GPHB5: variants seen among roughly 807,000 people sequenced by gnomAD.
The protein encoded by GPHB5 is glycoprotein hormone beta-5.
A neutral mutation model predicts 10.1 loss-of-function variants in GPHB5; 7 were observed. The observed-to-expected ratio is 0.69, with a 90% CI of 0.39 to 1.30. GPHB5 has a LOEUF of 1.30. Among genes scored for constraint, GPHB5 ranks in the 50% most tolerant of loss-of-function variants. The pLI is 0.01. For missense variants in GPHB5, 161 were observed against 169.8 expected, an observed-to-expected ratio of 0.95 and a Z score of 0.29; for synonymous variants, 68 against 70.1, an observed-to-expected ratio of 0.97 and a Z score of 0.15.
rs1882736498 is a variant in GPHB5 at position 63,314,632 on chromosome 14, T to G, written c.205-1516A>C. Among the ~76,000 whole-genome samples, 7 of 152,202 alleles carry G rather than the reference T, an allele frequency of 4.6e-5. No individual in the cohort carries two copies. The South Asian group carries it at 1.5e-3, about 32-fold the overall frequency. ...TTTCACCATGTTAGCCAGGATGGTC[T>G]CGATTTCCTGACCTCGTGATCTGCC... On this transcript the variant is annotated intron_variant, in intron 2 of 2. Coordinates refer to ENST00000621500, the MANE Select transcript of GPHB5 (RefSeq NM_145171.4).
chr14:63,317,898 C>T lies in GPHB5; in HGVS notation c.-1-48G>A. 3.2e-6 allele frequency: 5 copies of T among 1,553,086 alleles called. No homozygotes were observed. The South Asian group carries it at 4.6e-5, about 14-fold the overall frequency. ...GACAGAGTTTAACAGATCTGGCTGC[C>T]TTCAATGGCACAGCCAACCATGCAT... On this transcript the variant is annotated intron_variant, in intron 1 of 2. Coordinates refer to ENST00000621500, the MANE Select transcript of GPHB5 (RefSeq NM_145171.4).
chr14:63,313,095 A>AG lies in GPHB5; in HGVS notation c.225dup (p.Tyr76LeufsTer3), dbSNP rs1566639983. The AG allele has an allele frequency of 1.2e-6, 2 of 1,601,298 alleles. No homozygotes were observed. Among genetic ancestry groups the AG allele is most frequent in the Non-Finnish European group, 1.7e-6 (2 of 1,174,196 alleles). Reference sequence around the variant, plus strand: ...CAGACTCGATGATGGGCTTCAATATAGGGGGGTTCCAGAATGGGTTTCTGT... The same window carrying AG: ...CAGACTCGATGATGGGCTTCAATATAGGGGGGGTTCCAGAATGGGTTTCTGT... On this transcript the variant is annotated frameshift_variant, in exon 3 of 3. Transcript: ENST00000621500. LOFTEE classifies it high-confidence loss of function.
intron 2 of GPHB5, among the ~76,000 whole-genome samples, chr14:63,315,956 G>T (rs143377641): frequency 8.4e-4 from 128 of 152,250 alleles, no homozygotes; most frequent in African/African-American, 2.8e-3. Flanking sequence ...GGGCTGAATC[G>T]AACGGAAGCA....
At chr14:63,313,181 A>G in intron 2 of GPHB5, 65 bp from the exon 3 acceptor site, 2 of 1,297,468 alleles carry the variant, frequency 1.5e-6, no homozygotes, top group Non-Finnish European at 2.1e-6. Flanking sequence ...GTTTTTTAGT[A>G]TCATTTATCA....
chr14:63,312,998 G>A lies in GPHB5; in HGVS notation c.323C>T (p.Thr108Ile). ...NCAPGVDPFY[T>I]YPVAIRCDCG... ...GTCACAGCGGATGGCCACGGGATAG[G>A]TGTAGAAGGGGTCGACTCCCGGGGC... Residue 108 changes from threonine to isoleucine, a missense_variant, in exon 3 of 3, where the codon ACC (threonine) becomes ATC (isoleucine). Physicochemically the swap from Thr to Ile is moderately conservative, Grantham distance 89 (BLOSUM62 -1). Coordinates refer to ENST00000621500, the MANE Select transcript of GPHB5 (RefSeq NM_145171.4). 1 of 1,575,280 alleles carries A rather than the reference G, an allele frequency of 6.3e-7. No homozygotes were observed. Among genetic ancestry groups the A allele is most frequent in the Non-Finnish European group, 8.6e-7 (1 of 1,159,940 alleles).
In GPHB5 at chr14:63,312,994, A is replaced by G. The variant is rs1594786143; in HGVS notation, c.327T>C (p.Tyr109=). ...CGCAGTCACAGCGGATGGCCACGGG[A>G]TAGGTGTAGAAGGGGTCGACTCCCG... is the stretch of plus-strand genomic sequence containing the variant. ...CAPGVDPFYT[Y]PVAIRCDCGA... The change falls in exon 3 of 3, where the codon TAT becomes TAC. Residue 109 remains tyrosine (Y), a synonymous_variant. Transcript: ENST00000621500. 6.4e-7 allele frequency: 1 copy of G among 1,572,008 alleles called. No individual in the cohort carries two copies. Among genetic ancestry groups the G allele is most frequent in the African/African-American group, 1.3e-5 (1 of 74,142 alleles).
Position 63,312,933 on chromosome 14 carries a change from T to G in GPHB5, c.388A>C (p.Ile130Leu). 1.3e-6 allele frequency: 2 copies of G among 1,552,064 alleles called. No individual in the cohort carries two copies. The highest frequency in any genetic ancestry group is 1.4e-5 in the African/African-American group (1 of 73,202). Residue 130 changes from isoleucine to leucine, a missense_variant, in exon 3 of 3, where the codon ATC (isoleucine) becomes CTC (leucine). By Grantham distance (5) the Ile-to-Leu change is conservative. Transcript: ENST00000621500. ...CSTATTECETI is the reference protein window; with the variant it reads ...CSTATTECETL ...GCAGAGAGCAGCTAGCGGCCTCAGA[T>G]GGTCTCACACTCCGTGGTGGCAGTG...
chr14:63,314,584 T>C (rs184859820), intron 2 of GPHB5, among the ~76,000 whole-genome samples: 124 of 152,036 alleles, frequency 8.2e-4, no homozygotes, highest in African/African-American at 2.9e-3. Flanking sequence ...GGCTCATTTT[T>C]TGTATTTTTA....
intron 2 of GPHB5, among the ~76,000 whole-genome samples, chr14:63,314,238 A>T (rs1022130653): frequency 1.3e-5 from 2 of 152,174 alleles, no homozygotes; most frequent in African/African-American, 2.4e-5. Flanking sequence ...GTCAGAACTA[A>T]GGAGCTTGAG....
chr14:63,315,157 C>T (rs1882750845), intron 2 of GPHB5, among the ~76,000 whole-genome samples: 1 of 151,708 alleles, frequency 6.6e-6, no homozygotes, highest in Admixed American at 6.6e-5. Flanking sequence ...CCTCATTATC[C>T]ACCCACCACA....
Position 63,312,920 on chromosome 14 carries a change from T to G in GPHB5, c.*8A>C. On this transcript the variant is annotated 3_prime_UTR_variant, in exon 3 of 3. Coordinates refer to ENST00000621500, the MANE Select transcript of GPHB5 (RefSeq NM_145171.4). ...CACAGGTGGGTCTGCAGAGAGCAGC[T>G]AGCGGCCTCAGATGGTCTCACACTC... 1.9e-6 allele frequency: 3 copies of G among 1,551,184 alleles called. No homozygotes were observed. Among genetic ancestry groups the G allele is most frequent in the Non-Finnish European group, 1.7e-6 (2 of 1,146,716 alleles).
At chr14:63,317,515 G>T in intron 2 of GPHB5, 131 bp downstream of exon 2, 3 of 843,910 alleles carry the variant, frequency 3.6e-6, no homozygotes, top group South Asian at 1.9e-5. Context: ...TTTTGTTTTG[G>T]TTTTTTAAGT....
In GPHB5 at chr14:63,312,990, C is replaced by T. The variant is rs776274107; in HGVS notation, c.331G>A (p.Val111Met). ...PGVDPFYTYP[V>M]AIRCDCGACS... ...GCTCCGCAGTCACAGCGGATGGCCACGGGATAGGTGTAGAAGGGGTCGACT... is the reference window on the plus strand; with the variant it reads ...GCTCCGCAGTCACAGCGGATGGCCATGGGATAGGTGTAGAAGGGGTCGACT... The change falls in exon 3 of 3, where the codon GTG becomes ATG. Residue 111 changes from valine to methionine, a missense_variant. Physicochemically the swap from Val to Met is conservative, Grantham distance 21. Transcript: ENST00000621500. 3.4e-5 allele frequency: 54 copies of T among 1,568,450 alleles called. No homozygotes were observed. Among genetic ancestry groups the T allele is most frequent in the East Asian group, 7.0e-5 (3 of 42,612 alleles).
At chr14:63,316,148 G>A (rs1255912560) in intron 2 of GPHB5, among the ~76,000 whole-genome samples, 5 of 152,190 alleles carry the variant, frequency 3.3e-5, no homozygotes, top group Non-Finnish European at 5.9e-5. Context: ...GGCTAGTAGG[G>A]CTCAAGCCCC....
At chr14:63,316,989 T>C (rs1029453958) in intron 2 of GPHB5, among the ~76,000 whole-genome samples, 1 of 152,196 alleles carries the variant, frequency 6.6e-6, no homozygotes, top group African/African-American at 2.4e-5. Flanking sequence ...CTTAGCCCAA[T>C]AGGATTTTAA....
intron 2 of GPHB5, among the ~76,000 whole-genome samples, chr14:63,316,466 G>T (rs915131784): frequency 3.3e-5 from 5 of 152,186 alleles, no homozygotes; most frequent in African/African-American, 1.2e-4. Context: ...AGCTGTGAAG[G>T]TTATAAGAAT....
intron 2 of GPHB5, 37 bp from the exon 3 acceptor site, chr14:63,313,153 A>T (rs571706279): frequency 6.8e-7 from 1 of 1,466,824 alleles, no homozygotes; most frequent in South Asian, 1.3e-5. Flanking sequence ...ATTCATTAGA[A>T]CATATGATCT....
intron 2 of GPHB5, among the ~76,000 whole-genome samples, chr14:63,315,122 G>T (rs913457586): frequency 1.3e-5 from 2 of 151,302 alleles, no homozygotes; most frequent in Non-Finnish European, 2.9e-5. Context: ...ACTAAAAACT[G>T]GCCAGGCTGG....
intron 2 of GPHB5, 55 bp from the exon 3 acceptor site, chr14:63,313,171 G>T: frequency 1.5e-6 from 2 of 1,368,746 alleles, no homozygotes; most frequent in Non-Finnish European, 2.0e-6. Context: ...TCTTGTTTCA[G>T]TTTTTTAGTA....
Sources: gnomAD v4.1 joint callset for allele counts (sites outside exome capture counted in the v4.1 genomes callset) on GRCh38, gnomAD v4.1.1 for gene constraint, MANE v1.5 for transcripts, NCBI Gene and HGNC (gene_info 2026-07-23, HGNC 2026-07-21) for gene names.